CACNA1C: variants seen among roughly 807,000 people sequenced by gnomAD.
CACNA1C encodes calcium voltage-gated channel subunit alpha1 C, also known as voltage-dependent L-type calcium channel subunit alpha-1C.
Under a neutral mutation model 229.0 loss-of-function variants are expected in CACNA1C, and 30 were observed. The ratio of observed to expected loss-of-function variants is 0.13; its 90% CI spans 0.10 to 0.18. The LOEUF is 0.18. CACNA1C is among the 10% of genes least tolerant of loss of function. The pLI is 1.00. For missense variants in CACNA1C, 1,658 were observed against 2,845.0 expected, an observed-to-expected ratio of 0.58 and a Z score of 9.49; for synonymous variants, 1,114 against 1,132.5, an observed-to-expected ratio of 0.98 and a Z score of 0.33.
chr12:1,979,135 C>T (rs1475301211), intron 1 of CACNA1C, among the ~76,000 whole-genome samples: 2 of 151,942 alleles, frequency 1.3e-5, no homozygotes, highest in Non-Finnish European at 2.9e-5. Flanking sequence ...GCCTCAGGCT[C>T]CCAAGTGGCT....
intron 1 of CACNA1C, among the ~76,000 whole-genome samples, chr12:2,072,182 A>AAT (rs1163924434): frequency 1.4e-3 from 204 of 149,440 alleles, no homozygotes; most frequent in African/African-American, 4.5e-3. Flanking sequence ...TATATATACA[A>AAT]ATATATATAT....
intron 15 of CACNA1C, 39 bp downstream of exon 15, chr12:2,582,981 G>A (rs1438926997): frequency 1.4e-6 from 2 of 1,379,622 alleles, no homozygotes; most frequent in South Asian, 1.3e-5. Flanking sequence ...GCGGCCCCCA[G>A]CCCCCAGCCT....
intron 9 of CACNA1C, among the ~76,000 whole-genome samples, chr12:2,518,011 C>T (rs1598673650): frequency 1.3e-5 from 2 of 152,220 alleles, no homozygotes; most frequent in South Asian, 2.1e-4. Context: ...GACAGACAGA[C>T]AGTGGAACCA....
chr12:2,677,473 C>T lies in CACNA1C; in HGVS notation c.4956+252C>T. The T allele has an allele frequency of 1.6e-6, 1 of 614,078 alleles. No individual in the cohort carries two copies. The allele number at this position is 614,078 out of a possible 1,614,324, so 38.0% of individuals were successfully genotyped here. A position where few individuals can be genotyped will look rare whatever the true frequency, so the allele number is the denominator to read the frequency against. On this transcript the variant is annotated intron_variant, in intron 40 of 46. Transcript: ENST00000399655. The surrounding 1 kb of genome is among the most constrained non-coding windows in gnomAD (Gnocchi z 7.4). ...GCCCCCAGATCTCTCAAATACTTCA[C>T]TGAGGCTCCCGTGACAGCCCCTGAC...
chr12:2,123,095 G>A (rs2087701645), intron 3 of CACNA1C, among the ~76,000 whole-genome samples: 1 of 152,204 alleles, frequency 6.6e-6, no homozygotes, highest in Non-Finnish European at 1.5e-5. Flanking sequence ...ATTAAGTCTG[G>A]GCCGGGCGCA....
At chr12:2,642,834 A>G (rs1290095922) in intron 30 of CACNA1C, among the ~76,000 whole-genome samples, 1 of 152,214 alleles carries the variant, frequency 6.6e-6, no homozygotes, top group Non-Finnish European at 1.5e-5. Context: ...TGTCCTTCCC[A>G]GGGGAAGATG....
chr12:2,070,824 CCTTTCTTTTTTTTT>C (rs1403772505), intron 1 of CACNA1C, among the ~76,000 whole-genome samples: 3 of 151,858 alleles, frequency 2.0e-5, no homozygotes, highest in Non-Finnish European at 4.4e-5. Flanking sequence ...TCTTTCCCTT[CCTTTCTTTTTTTTT>C]CTTTCTTTCT....
At chr12:2,572,726 CT>C (rs2056510721) in intron 13 of CACNA1C, among the ~76,000 whole-genome samples, 1 of 113,926 alleles carries the variant, frequency 8.8e-6, no homozygotes, top group African/African-American at 3.4e-5. Flanking sequence ...TCCTCCTCCT[CT>C]TCCTCTTCCT....
chr12:2,513,307 ACAGGCTTCCCGTTTGAAAGCG>A (rs1279384548), intron 9 of CACNA1C, among the ~76,000 whole-genome samples: 1 of 152,260 alleles, frequency 6.6e-6, no homozygotes, highest in South Asian at 2.1e-4. Flanking sequence ...GGGCAGGGGC[ACAGGCTTCCCGTTTGAAAGCG>A]CAGGCTTGTT....
rs116415152 is a variant in CACNA1C, at chr12:2,458,011, T to G, written c.757+305T>G. 0.016 allele frequency among the ~76,000 whole-genome samples: 2,361 copies of G among 152,302 alleles called. 62 individuals carry two copies. Among genetic ancestry groups the G allele is most frequent in the African/African-American group, 0.053 (2,214 of 41,558 alleles). On this transcript the variant is annotated intron_variant, in intron 5 of 46. Coordinates refer to ENST00000399655, the MANE Select transcript of CACNA1C (RefSeq NM_000719.7). Reference sequence around the variant, plus strand: ...ACCCTGGAGGCCCTGGGATGGGGATTTAAATACATTTTGTAGCAGAAGAGC... The same window carrying G: ...ACCCTGGAGGCCCTGGGATGGGGATGTAAATACATTTTGTAGCAGAAGAGC...
Position 2,565,249 on chromosome 12 carries a change from A to G in CACNA1C, c.1509-1173A>G, listed in dbSNP as rs567274848. ...TTTGGGAGGCCGAGGCGGGTGGATC[A>G]TGAGGTCAGGAGATCGAGACCATCC... On this transcript the variant is annotated intron_variant, in intron 11 of 46. Coordinates refer to ENST00000399655, the MANE Select transcript of CACNA1C (RefSeq NM_000719.7). Among the ~76,000 whole-genome samples the G allele has an allele frequency of 2.6e-5, 4 of 151,558 alleles. No individual in the cohort carries two copies. The South Asian group carries it at 6.3e-4, about 24-fold the overall frequency.
intron 3 of CACNA1C, among the ~76,000 whole-genome samples, chr12:2,182,501 G>A (rs554664443): frequency 1.5e-4 from 23 of 152,200 alleles, no homozygotes; most frequent in African/African-American, 3.4e-4. Flanking sequence ...GAGCCCTGTC[G>A]GGGGTCGCTG....
intron 1 of CACNA1C, among the ~76,000 whole-genome samples, chr12:1,999,038 A>C (rs893410107): frequency 3.3e-5 from 5 of 152,334 alleles, no homozygotes; most frequent in Admixed American, 1.3e-4. Context: ...TTTCTCATTC[A>C]CTTTAGTTCA....
intron 3 of CACNA1C, among the ~76,000 whole-genome samples, chr12:2,350,042 G>A (rs1006580150): frequency 3.9e-5 from 6 of 152,086 alleles, no homozygotes; most frequent in African/African-American, 1.4e-4. Context: ...TTGGGTTTTT[G>A]GCTATGACAC....
intron 27 of CACNA1C, among the ~76,000 whole-genome samples, chr12:2,609,646 C>T (rs1262932976): frequency 6.6e-6 from 1 of 151,146 alleles, no homozygotes; most frequent in African/African-American, 2.4e-5. Flanking sequence ...GCGTTGGACA[C>T]CGGGGCTGAG....
intron 1 of CACNA1C, among the ~76,000 whole-genome samples, chr12:2,069,694 C>T (rs1250507587): frequency 6.6e-6 from 1 of 152,182 alleles, no homozygotes; most frequent in African/African-American, 2.4e-5. Context: ...CTTATAATGA[C>T]CGTTACTTGA....
rs751208466 is a variant in CACNA1C at position 2,251,566 on chromosome 12, G to A, written c.477+131136G>A. Among the ~76,000 whole-genome samples the A allele has an allele frequency of 3.0e-4, 46 of 152,286 alleles. 1 individual carries two copies. The highest frequency in any genetic ancestry group is 3.4e-3 in the Middle Eastern group (1 of 294). On this transcript the variant is annotated intron_variant, in intron 3 of 46. Coordinates refer to ENST00000399655, the MANE Select transcript of CACNA1C (RefSeq NM_000719.7). ...CATTACTGGCCTCCTGGATTCAGTGGAGTCCTGCTAGACGTTGTCATTGCA... is the reference window on the plus strand; with the variant it reads ...CATTACTGGCCTCCTGGATTCAGTGAAGTCCTGCTAGACGTTGTCATTGCA...
intron 3 of CACNA1C, among the ~76,000 whole-genome samples, chr12:2,257,068 G>A (rs2078201463): frequency 6.6e-6 from 1 of 152,206 alleles, no homozygotes; most frequent in African/African-American, 2.4e-5. Flanking sequence ...CCAGGGCTTT[G>A]CTGTCTTCGT....
chr12:2,323,964 C>A (rs773439712), intron 3 of CACNA1C, among the ~76,000 whole-genome samples: 1 of 152,182 alleles, frequency 6.6e-6, no homozygotes, highest in Non-Finnish European at 1.5e-5. Flanking sequence ...AAGATGAAAT[C>A]TGAGTCCTTC....
Sources: allele counts gnomAD v4.1 joint callset (sites outside exome capture counted in the v4.1 genomes callset), GRCh38; gene constraint gnomAD v4.1.1; non-coding constraint Gnocchi (gnomAD v3.1); transcripts MANE v1.5; gene names NCBI Gene and HGNC (gene_info 2026-07-23, HGNC 2026-07-21).